Variants in LRRN1 observed in about 807,000 individuals in gnomAD.
LRRN1 encodes leucine-rich repeat neuronal protein 1.
In LRRN1, 14 loss-of-function variants were observed where a neutral mutation model predicts 45.8. That is an observed-to-expected ratio of 0.31 (90% CI 0.20 to 0.48). The LOEUF is 0.48. Ranked by LOEUF, LRRN1 falls within the 20% of genes least tolerant of loss-of-function variation. The pLI, the probability that LRRN1 is intolerant of heterozygous loss-of-function variation, is 0.99. For synonymous variants in LRRN1, 359 were observed against 330.1 expected (o/e 1.09, Z -0.95); for missense variants, 789 against 874.2 (o/e 0.90, Z 1.23).
chr3:3,802,454 AC>A (rs537686071), intron 1 of LRRN1, among the ~76,000 whole-genome samples: 27 of 149,762 alleles, frequency 1.8e-4, no homozygotes, highest in South Asian at 6.4e-4. Flanking sequence ...AAAATACAAC[AC>A]CCCCCCAACC....
Position 3,800,312 on chromosome 3 carries a change from G to A in LRRN1, c.-279+393G>A, listed in dbSNP as rs555795255. ...GAGGGCTGCCGGGATGTGAACCGGG[G>A]AAGGCAGCTGGGGCTGGAGAGCAGC... On this transcript the variant is annotated intron_variant, in intron 1 of 1. Coordinates refer to ENST00000319331, the MANE Select transcript of LRRN1 (RefSeq NM_020873.7). Among the ~76,000 whole-genome samples, 200 of 152,206 alleles carry A rather than the reference G, an allele frequency of 1.3e-3. 3 individuals are homozygous for A. The highest frequency in any genetic ancestry group is 1.8e-4 in the Non-Finnish European group (12 of 67,994).
chr3:3,803,880 C>G (rs1692705344), intron 1 of LRRN1, among the ~76,000 whole-genome samples: 1 of 152,176 alleles, frequency 6.6e-6, no homozygotes, highest in Non-Finnish European at 1.5e-5. Context: ...CTTTACAGAT[C>G]TGTTACAGAA....
chr3:3,809,887 G>A (rs1692841292), intron 1 of LRRN1, among the ~76,000 whole-genome samples: 1 of 152,128 alleles, frequency 6.6e-6, no homozygotes, highest in Non-Finnish European at 1.5e-5. Flanking sequence ...GTTCAAATCT[G>A]ACATTTCTGC....
intron 1 of LRRN1, among the ~76,000 whole-genome samples, chr3:3,811,143 A>C (rs1575281127): frequency 6.6e-6 from 1 of 152,294 alleles, no homozygotes. Flanking sequence ...TCTGGGAGTT[A>C]TGTATTATCC....
chr3:3,823,391 T>G, intron 1 of LRRN1, among the ~76,000 whole-genome samples: 1 of 151,586 alleles, frequency 6.6e-6, no homozygotes, highest in Middle Eastern at 3.2e-3. Flanking sequence ...CCTGGGGATG[T>G]TGTTTAAAAA....
At chr3:3,827,903 G>T (rs1197889675) in intron 1 of LRRN1, among the ~76,000 whole-genome samples, 2 of 151,966 alleles carry the variant, frequency 1.3e-5, no homozygotes, top group African/African-American at 4.8e-5. Context: ...CAATGATAAT[G>T]GTTGAAAATA....
chr3:3,820,918 G>A (rs1478348509), intron 1 of LRRN1, among the ~76,000 whole-genome samples: 1 of 152,192 alleles, frequency 6.6e-6, no homozygotes. Context: ...GGCTACCTCT[G>A]TCTTTGCAGT....
chr3:3,834,564 T>TATATATGATATATA (rs1406987073), intron 1 of LRRN1, among the ~76,000 whole-genome samples: 3 of 110,390 alleles, frequency 2.7e-5, no homozygotes, highest in South Asian at 2.9e-4. Flanking sequence ...GATATATATA[T>TATATATGATATATA]TATTATACAT....
At chr3:3,825,250 C>T (rs1032917955) in intron 1 of LRRN1, among the ~76,000 whole-genome samples, 2 of 152,212 alleles carry the variant, frequency 1.3e-5, no homozygotes, top group East Asian at 1.9e-4. Context: ...CATCCATGCC[C>T]AGTTCCTCTT....
chr3:3,845,586 A>G lies in LRRN1; in HGVS notation c.945A>G (p.Thr315=), dbSNP rs903112587. The G allele has an allele frequency of 6.2e-7, 1 of 1,613,962 alleles. No homozygotes were observed. The highest frequency in any genetic ancestry group is 8.5e-7 in the Non-Finnish European group (1 of 1,180,038). ...RYALDNLPEL[T]KLEATNNPKL... is the part of the protein sequence containing the mutation. The stretch of plus-strand genomic sequence containing the variant: ...CCCTGGATAACTTGCCTGAACTCAC[A>G]AAGCTGGAAGCCACCAATAACCCTA... The change falls in exon 2 of 2, where the codon ACA becomes ACG. Residue 315 remains threonine (T), a synonymous_variant. Coordinates refer to ENST00000319331, the MANE Select transcript of LRRN1 (RefSeq NM_020873.7). This position sits in a 1 kb window ranked among gnomAD's most constrained non-coding sequence, Gnocchi z 6.5.
intron 1 of LRRN1, among the ~76,000 whole-genome samples, chr3:3,833,686 T>G (rs1693421226): frequency 6.6e-6 from 1 of 152,190 alleles, no homozygotes; most frequent in South Asian, 2.1e-4. Flanking sequence ...GCCTGGCAAC[T>G]GCCTCAGGAG....
chr3:3,815,074 T>TC (rs1428014164), intron 1 of LRRN1, among the ~76,000 whole-genome samples: 1 of 152,122 alleles, frequency 6.6e-6, no homozygotes, highest in African/African-American at 2.4e-5. Flanking sequence ...ATAAAGGCCC[T>TC]CCATATCTAG....
rs1280542932 is a variant in LRRN1, at chr3:3,843,742, A to G, written c.-278-622A>G. ...CATCCATGTTGTAGGATATTAAATT[A>G]ACTTTTTGCATAGGAATAACTGAGC... On this transcript the variant is annotated intron_variant, in intron 1 of 1. Coordinates refer to ENST00000319331, the MANE Select transcript of LRRN1 (RefSeq NM_020873.7). Among the ~76,000 whole-genome samples the G allele has an allele frequency of 2.6e-5, 4 of 152,348 alleles. No individual in the cohort carries two copies. The East Asian group carries it at 5.8e-4, about 22-fold the overall frequency.
intron 1 of LRRN1, among the ~76,000 whole-genome samples, chr3:3,802,922 T>C (rs1692684621): frequency 6.6e-6 from 1 of 152,224 alleles, no homozygotes; most frequent in South Asian, 2.1e-4. Context: ...TGTGTAATCG[T>C]TATTCTGCAA....
chr3:3,844,746 T>C lies in LRRN1; in HGVS notation c.105T>C (p.Leu35=). Residue 35 remains leucine, a synonymous_variant, in exon 2 of 2, where the codon CTT becomes CTC. Coordinates refer to ENST00000319331, the MANE Select transcript of LRRN1 (RefSeq NM_020873.7). ...SSIQNSECPQ[L]CVCEIRPWFT... ...TACAGAATAGTGAGTGTCCACAACT[T>C]TGCGTATGTGAAATTCGTCCCTGGT... The C allele has an allele frequency of 6.2e-7, 1 of 1,614,122 alleles. No homozygotes were observed. The highest frequency in any genetic ancestry group is 8.5e-7 in the Non-Finnish European group (1 of 1,179,992).
At chr3:3,811,235 C>T (rs924831105) in intron 1 of LRRN1, among the ~76,000 whole-genome samples, 15 of 152,318 alleles carry the variant, frequency 9.8e-5, no homozygotes, top group African/African-American at 1.2e-4. Context: ...TGCATAGGAA[C>T]AATACTCTTA....
intron 1 of LRRN1, chr3:3,827,387 G>A: frequency 2.2e-6 from 1 of 455,376 alleles, no homozygotes; most frequent in Non-Finnish European, 4.4e-6. Flanking sequence ...AAGGCAGAGT[G>A]GCCTTCAGGG....
In LRRN1 at chr3:3,846,134, C is replaced by T. The variant is rs867238021; in HGVS notation, c.1493C>T (p.Thr498Ile). The stretch of plus-strand genomic sequence containing the variant: ...CAAATTGAAGACTCAGGAAGATACA[C>T]ATGTGTTGCCCAGAATGTCCAAGGG... Reference protein sequence around the residue: ...NIQIEDSGRYTCVAQNVQGAD... With the variant: ...NIQIEDSGRYICVAQNVQGAD... Residue 498 changes from threonine (T) to isoleucine (I), a missense_variant, in exon 2 of 2, where the codon ACA becomes ATA. Transcript: ENST00000319331. The surrounding 1 kb of genome is among the most constrained non-coding windows in gnomAD (Gnocchi z 5.7). 20 of 1,614,102 alleles carry T rather than the reference C, an allele frequency of 1.2e-5. No homozygotes were observed. The Middle Eastern group carries it at 2.6e-3, about 213-fold the overall frequency.
At chr3:3,805,566 A>G (rs12634230) in intron 1 of LRRN1, among the ~76,000 whole-genome samples, 6,422 of 152,252 alleles carry the variant, frequency 0.042, 402 homozygotes, top group East Asian at 0.3. Context: ...GATGATTTCA[A>G]TATCACCAGT....
Sources: allele counts gnomAD v4.1 joint callset (sites outside exome capture counted in the v4.1 genomes callset), GRCh38; gene constraint gnomAD v4.1.1; non-coding constraint Gnocchi (gnomAD v3.1); transcripts MANE v1.5; gene names NCBI Gene and HGNC (gene_info 2026-07-23, HGNC 2026-07-21).